DDHD1: variants seen among roughly 807,000 people sequenced by gnomAD.
DDHD1 encodes DDHD domain containing 1.
A neutral mutation model predicts 96.4 loss-of-function variants in DDHD1; 49 were observed. That is an observed-to-expected ratio of 0.51 (90% confidence interval 0.40 to 0.64). DDHD1 has a LOEUF of 0.64. Among genes scored for constraint, DDHD1 ranks in the 30% least tolerant of loss-of-function variants. The pLI, the probability that DDHD1 is intolerant of heterozygous loss-of-function variation, is 0.00. For synonymous variants in DDHD1, 442 were observed against 446.5 expected (o/e 0.99, Z 0.13); for missense variants, 1,106 against 1,161.2 (o/e 0.95, Z 0.69).
intron 6 of DDHD1, among the ~76,000 whole-genome samples, chr14:53,067,331 C>T (rs1259277083): frequency 2.0e-5 from 3 of 151,610 alleles, no homozygotes; most frequent in Non-Finnish European, 4.4e-5. Context: ...GCTAATTTTT[C>T]TATTTTTAGT....
At chr14:53,152,113 G>GAGA in intron 1 of DDHD1, 148 bp downstream of exon 1, 1 of 833,738 alleles carries the variant, frequency 1.2e-6, no homozygotes, top group Non-Finnish European at 1.8e-6. Context: ...AGCTGCCGAC[G>GAGA]CTCCCTGCTC....
intron 1 of DDHD1, among the ~76,000 whole-genome samples, chr14:53,122,311 C>A (rs1889055247): frequency 6.6e-6 from 1 of 152,128 alleles, no homozygotes; most frequent in Non-Finnish European, 1.5e-5. Flanking sequence ...TTTTTTAGCA[C>A]CTACTCAGGC....
chr14:53,130,939 G>A (rs1243227836), intron 1 of DDHD1, among the ~76,000 whole-genome samples: 1 of 152,124 alleles, frequency 6.6e-6, no homozygotes, highest in African/African-American at 2.4e-5. Context: ...ACAGTGGAGG[G>A]TAAGTTCATC....
chr14:53,040,600 T>A lies in DDHD1; in HGVS notation c.*6168A>T, dbSNP rs141839299. ...TAAATGTGCATGCACCAGTTCCAGC[T>A]GAGAAAATCAGAACTGGACAATGCC... On this transcript the variant is annotated 3_prime_UTR_variant, in exon 13 of 13. Coordinates refer to ENST00000673822, the MANE Select transcript of DDHD1 (RefSeq NM_001160148.2). The A allele has an allele frequency of 6.6e-6, 1 of 152,172 alleles. No homozygotes were observed. The highest frequency in any genetic ancestry group is 1.5e-5 in the Non-Finnish European group (1 of 68,026). The allele number at this position is 152,172 out of a possible 1,614,324, so 9.4% of individuals were successfully genotyped here. A position where few individuals can be genotyped will look rare whatever the true frequency, so the allele number is the denominator to read the frequency against.
intron 1 of DDHD1, among the ~76,000 whole-genome samples, chr14:53,149,048 A>G (rs1461064894): frequency 6.6e-6 from 1 of 152,258 alleles, no homozygotes; most frequent in Non-Finnish European, 1.5e-5. Flanking sequence ...ATATCTAAAC[A>G]TACAATAAAA....
Position 53,055,764 on chromosome 14 carries a change from T to C in DDHD1, c.2141A>G (p.Glu714Gly). ...TGGTATGGTTGAAATGCCTTCATTC[T>C]CTGAAACTGAGGTAGGTTCTTTAGC... ...NPAKEPTSVS[E>G]NEGISTIPSP... Residue 714 changes from glutamate to glycine, a missense_variant, in exon 10 of 13, where the codon GAG (glutamate) becomes GGG (glycine). Around this residue, in one of 2 missense-constraint regions of DDHD1, gnomAD observed 650 missense variants for 758.8 expected, o/e 0.86. Transcript: ENST00000673822. 6.2e-7 allele frequency: 1 copy of C among 1,614,170 alleles called. No individual in the cohort carries two copies. Among genetic ancestry groups the C allele is most frequent in the South Asian group, 1.1e-5 (1 of 91,082 alleles).
intron 12 of DDHD1, among the ~76,000 whole-genome samples, chr14:53,049,657 CAAAAAAA>C (rs11323291): frequency 1.2e-5 from 1 of 84,720 alleles, no homozygotes; most frequent in Non-Finnish European, 2.3e-5. Flanking sequence ...TGAGCTAGGT[CAAAAAAA>C]AAAAAAAAAA....
At chr14:53,080,076 T>C (rs902133592) in intron 4 of DDHD1, among the ~76,000 whole-genome samples, 4 of 152,212 alleles carry the variant, frequency 2.6e-5, no homozygotes, top group Admixed American at 1.3e-4. Flanking sequence ...AGAAATGACA[T>C]CTGTTTGGGT....
rs577774024 is a variant in DDHD1, at chr14:53,128,053, A to G, written c.839-24197T>C. The stretch of plus-strand genomic sequence containing the variant: ...AGTTCTCACGAGATCTAATGGTTTT[A>G]TAAGGGGCTTTCCCCTCTTCGCTCT... On this transcript the variant is annotated intron_variant, in intron 1 of 12. Coordinates refer to ENST00000673822, the MANE Select transcript of DDHD1 (RefSeq NM_001160148.2). Among the ~76,000 whole-genome samples the G allele has an allele frequency of 2.6e-5, 4 of 152,274 alleles. No individual in the cohort carries two copies. The South Asian group carries it at 8.3e-4, about 32-fold the overall frequency.
chr14:53,099,369 A>C (rs768621817), intron 2 of DDHD1, among the ~76,000 whole-genome samples: 1 of 152,194 alleles, frequency 6.6e-6, no homozygotes, highest in Non-Finnish European at 1.5e-5. Flanking sequence ...TCTACGATCC[A>C]ATCTAGGGTA....
At chr14:53,062,922 C>T in intron 7 of DDHD1, 21 bp downstream of exon 7, 1 of 1,599,906 alleles carries the variant, frequency 6.3e-7, no homozygotes, top group Non-Finnish European at 8.5e-7. Context: ...AAAAATTTTT[C>T]AAAAGATGAG....
chr14:53,093,586 A>C (rs1886623407), intron 2 of DDHD1, 142 bp from the exon 3 acceptor site: 1 of 1,113,450 alleles, frequency 9.0e-7, no homozygotes, highest in South Asian at 1.6e-5. Flanking sequence ...ACACTATTTC[A>C]CATAAAAAAA....
rs181842697 is a variant in DDHD1, at chr14:53,124,108, G to A, written c.839-20252C>T. Among the ~76,000 whole-genome samples, 511 of 151,828 alleles carry A rather than the reference G, an allele frequency of 3.4e-3. 2 individuals are homozygous for A. The highest frequency in any genetic ancestry group is 0.011 in the African/African-American group (448 of 41,432). ...AAATTAGCCGGGCATGGTGGCAGGC[G>A]GCTTTAATTCCAGCTACTCAGGAGG... On this transcript the variant is annotated intron_variant, in intron 1 of 12. Transcript: ENST00000673822.
chr14:53,070,721 C>G (rs1595119610), intron 6 of DDHD1, among the ~76,000 whole-genome samples: 1 of 152,058 alleles, frequency 6.6e-6, no homozygotes, highest in South Asian at 2.1e-4. Flanking sequence ...TAAGTTAATA[C>G]ATACAAAATA....
At chr14:53,052,818 CG>C (rs944973190) in intron 11 of DDHD1, 34 of 151,692 alleles carry the variant, frequency 2.2e-4, no homozygotes, top group African/African-American at 8.0e-4. Context: ...TTTTACCATT[CG>C]GACTATCAAA....
At position 53,153,159 on chromosome 14, in the gene DDHD1, C is replaced by T; in HGVS notation, c.-61G>A. On this transcript the variant is annotated 5_prime_UTR_variant, in exon 1 of 13. Coordinates refer to ENST00000673822, the MANE Select transcript of DDHD1 (RefSeq NM_001160148.2). ...GGAGCCGTGACCCCCAGCGCTTCCG[C>T]CACACATTCAACGCCGCCGCCCTCT... 2.4e-6 allele frequency: 3 copies of T among 1,268,362 alleles called. No individual in the cohort carries two copies. The highest frequency in any genetic ancestry group is 3.0e-6 in the Non-Finnish European group (3 of 984,646). 78.6% of individuals were successfully genotyped at this position (1,268,362 alleles called of 1,614,324 possible).
At chr14:53,089,957 T>C (rs1323303570) in intron 4 of DDHD1, among the ~76,000 whole-genome samples, 2 of 152,164 alleles carry the variant, frequency 1.3e-5, no homozygotes, top group Middle Eastern at 3.4e-3. Flanking sequence ...TGGGAGAAAA[T>C]TTTTGCTATC....
rs1891617995 is a variant in DDHD1 at position 53,153,308 on chromosome 14, G to C, written c.-210C>G. On this transcript the variant is annotated 5_prime_UTR_variant, in exon 1 of 13. Transcript: ENST00000673822. ...CTGCCGCCGGCCCCATTGTCACGCA[G>C]CCCGACGTAGGCGGTGCTTCGGCCC... The C allele has an allele frequency of 2.5e-6, 1 of 401,398 alleles. No homozygotes were observed. Among genetic ancestry groups the C allele is most frequent in the Non-Finnish European group, 4.3e-6 (1 of 234,800 alleles). 24.9% of individuals were successfully genotyped at this position (401,398 alleles called of 1,614,324 possible).
rs771936426 is a variant in DDHD1 at position 53,152,488 on chromosome 14, C to T, written c.611G>A (p.Arg204Gln). The T allele has an allele frequency of 3.7e-6, 6 of 1,613,034 alleles. No individual in the cohort carries two copies. The highest frequency in any genetic ancestry group is 2.2e-5 in the South Asian group (2 of 91,038). The change falls in exon 1 of 13, where the codon CGG becomes CAG. Residue 204 changes from arginine to glutamine, a missense_variant. Around this residue, in one of 2 missense-constraint regions of DDHD1, gnomAD observed 456 missense variants for 402.4 expected, o/e 1.13. Transcript: ENST00000673822. ...GCCGTCCCGGTCCCCGCCCTGGGGC[C>T]GGGCACCCGTGGTCTGCAGCAGGGT... ...FRTLLQTTGARPQGGDRDGDH... is the reference protein window; with the variant it reads ...FRTLLQTTGAQPQGGDRDGDH...
Sources: gnomAD v4.1 joint callset for allele counts (sites outside exome capture counted in the v4.1 genomes callset) on GRCh38, gnomAD v4.1.1 for gene constraint, gnomAD v4.1.1 regional missense constraint, MANE v1.5 for transcripts, NCBI Gene and HGNC (gene_info 2026-07-23, HGNC 2026-07-21) for gene names.